Variants in NEBL observed in about 807,000 individuals in gnomAD.
The protein encoded by NEBL is nebulette, also known as LIM and SH3 protein 2.
In NEBL, 122 loss-of-function variants were observed where a neutral mutation model predicts 140.2. The ratio of observed to expected loss-of-function variants is 0.87; its 90% CI spans 0.75 to 1.01. The LOEUF (loss-of-function observed/expected upper bound fraction) is 1.01, where lower values mean the gene tolerates loss of function less well. Among genes scored for constraint, NEBL ranks in the 50% least tolerant of loss-of-function variants. NEBL has a pLI of 0.00. For missense variants in NEBL, 1,365 were observed against 1,231.3 expected, an observed-to-expected ratio of 1.11 and a Z score of -1.62; for synonymous variants, 436 against 398.9, an observed-to-expected ratio of 1.09 and a Z score of -1.11.
At chr10:21,267,273 G>A (rs1009514672) in intron 1 of NEBL, among the ~76,000 whole-genome samples, 1 of 151,920 alleles carries the variant, frequency 6.6e-6, no homozygotes, top group African/African-American at 2.4e-5. Flanking sequence ...ACCACACCTG[G>A]CCTCTAATTT....
chr10:20,996,682 T>C (rs1837681752), intron 3 of NEBL, among the ~76,000 whole-genome samples: 1 of 152,208 alleles, frequency 6.6e-6, no homozygotes, highest in South Asian at 2.1e-4. Context: ...TAGACTGTAA[T>C]GTGAAGCTAT....
chr10:21,240,180 C>T (rs1471422199), intron 3 of NEBL, among the ~76,000 whole-genome samples: 3 of 152,098 alleles, frequency 2.0e-5, no homozygotes, highest in South Asian at 2.1e-4. Context: ...GCTAAGTTAC[C>T]GACAAAACTC....
intron 2 of NEBL, among the ~76,000 whole-genome samples, chr10:21,114,534 C>T (rs1838193108): frequency 6.6e-6 from 1 of 152,074 alleles, no homozygotes; most frequent in South Asian, 2.1e-4. Context: ...GAAATCTCCA[C>T]CTAAATGGTG....
chr10:21,252,525 T>C (rs781636499), intron 1 of NEBL, among the ~76,000 whole-genome samples: 1 of 152,188 alleles, frequency 6.6e-6, no homozygotes, highest in African/African-American at 2.4e-5. Context: ...TTTAAGGAAT[T>C]GAGCTATCCA....
chr10:21,249,254 T>C (rs940034660), intron 2 of NEBL, among the ~76,000 whole-genome samples: 5 of 152,216 alleles, frequency 3.3e-5, no homozygotes, highest in Admixed American at 3.3e-4. Flanking sequence ...TATTTATATA[T>C]TCTGGATATT....
intron 2 of NEBL, 115 bp downstream of exon 2, chr10:20,896,843 G>A: frequency 1.1e-6 from 1 of 920,596 alleles, no homozygotes; most frequent in Non-Finnish European, 1.8e-6. Flanking sequence ...GATCTGGAAA[G>A]TGACTGTGTT....
intron 3 of NEBL, among the ~76,000 whole-genome samples, chr10:21,218,837 A>G (rs1842032114): frequency 6.6e-6 from 1 of 152,240 alleles, no homozygotes; most frequent in Non-Finnish European, 1.5e-5. Context: ...TAGGAACTAT[A>G]TGGAGAAAGC....
At chr10:20,896,229 A>G (rs1169018022) in intron 2 of NEBL, among the ~76,000 whole-genome samples, 3 of 152,042 alleles carry the variant, frequency 2.0e-5, no homozygotes, top group Non-Finnish European at 4.4e-5. Context: ...AGGATCATCT[A>G]AATTCTCATC....
chr10:20,818,825 A>T, intron 20 of NEBL: 1 of 989,086 alleles, frequency 1.0e-6, no homozygotes, highest in Non-Finnish European at 1.2e-6. Context: ...CTGGACACGC[A>T]GTTCATGCCC....
chr10:21,035,234 G>A (rs190820655), intron 2 of NEBL, among the ~76,000 whole-genome samples: 1 of 152,252 alleles, frequency 6.6e-6, no homozygotes, highest in East Asian at 1.9e-4. Flanking sequence ...CTGGCCTCAA[G>A]TGATCTGCCC....
chr10:20,961,437 AC>A (rs568054448), intron 4 of NEBL, among the ~76,000 whole-genome samples: 347 of 152,260 alleles, frequency 2.3e-3, no homozygotes, highest in African/African-American at 8.0e-3. Context: ...AAAGCTGAGA[AC>A]CATTCAAAAT....
At chr10:21,024,859 A>G (rs1309170298) in intron 2 of NEBL, among the ~76,000 whole-genome samples, 2 of 152,200 alleles carry the variant, frequency 1.3e-5, no homozygotes, top group South Asian at 2.1e-4. Context: ...AAGATAAGAA[A>G]TAAACTGAGG....
intron 3 of NEBL, among the ~76,000 whole-genome samples, chr10:21,206,244 AG>A (rs1411895604): frequency 1.3e-5 from 2 of 152,332 alleles, no homozygotes; most frequent in African/African-American, 4.8e-5. Context: ...GACAGAATTA[AG>A]TAAGGAGCTC....
Position 21,155,626 on chromosome 10 carries a change from T to C in NEBL, c.164+16757A>G, listed in dbSNP as rs374426179. Among the ~76,000 whole-genome samples, 5 of 152,318 alleles carry C rather than the reference T, an allele frequency of 3.3e-5. No individual in the cohort carries two copies. In the East Asian group the frequency reaches 5.8e-4, roughly 18 times the overall value. On this transcript the variant is annotated intron_variant, in intron 2 of 6. Coordinates refer to the NEBL transcript ENST00000417816. ...CCTATAATAAGGTAACATTTCAACT[T>C]TCAAACTCACATTCAAAACCCAAGT...
At chr10:20,910,681 A>G (rs1378728629) in intron 4 of NEBL, among the ~76,000 whole-genome samples, 1 of 152,154 alleles carries the variant, frequency 6.6e-6, no homozygotes, top group Non-Finnish European at 1.5e-5. Flanking sequence ...AATTAGACCA[A>G]TCTTCCTAGT....
At chr10:21,035,051 T>G (rs905915238) in intron 2 of NEBL, among the ~76,000 whole-genome samples, 1 of 151,960 alleles carries the variant, frequency 6.6e-6, no homozygotes, top group Non-Finnish European at 1.5e-5. Context: ...CAGGCTGGAG[T>G]GCAGTGGTGC....
intron 4 of NEBL, among the ~76,000 whole-genome samples, chr10:20,932,571 C>T (rs1474450391): frequency 6.6e-6 from 1 of 152,090 alleles, no homozygotes; most frequent in Non-Finnish European, 1.5e-5. Flanking sequence ...GCACATGTAT[C>T]CCAGAACTTA....
chr10:20,785,948 C>A (rs370011417), intron 27 of NEBL, 25 bp from the exon 28 acceptor site: 125 of 1,605,212 alleles, frequency 7.8e-5, no homozygotes, highest in Non-Finnish European at 9.8e-5. Context: ...AGGGATTATA[C>A]GATGAATGCC....
Position 20,852,666 on chromosome 10 carries a change from G to A in NEBL, c.904-17C>T. On this transcript the variant is annotated splice_polypyrimidine_tract_variant and intron_variant, in intron 9 of 27. Coordinates refer to ENST00000377122, the MANE Select transcript of NEBL (RefSeq NM_006393.3). Reference sequence around the variant, plus strand: ...ATATTCTCGCTAAAATACAGAATGGGGAAATCAACTTAGAATCAAAGAGAC... The same window carrying A: ...ATATTCTCGCTAAAATACAGAATGGAGAAATCAACTTAGAATCAAAGAGAC... The A allele has an allele frequency of 1.0e-5, 16 of 1,558,596 alleles. No individual in the cohort carries two copies. Among genetic ancestry groups the A allele is most frequent in the Non-Finnish European group, 1.4e-5 (16 of 1,130,656 alleles).
Sources: gnomAD v4.1 joint callset for allele counts (sites outside exome capture counted in the v4.1 genomes callset) on GRCh38, gnomAD v4.1.1 for gene constraint, MANE v1.5 for transcripts, NCBI Gene and HGNC (gene_info 2026-07-23, HGNC 2026-07-21) for gene names.